SLC44A2: variants seen among roughly 807,000 people sequenced by gnomAD.
SLC44A2 encodes the protein solute carrier family 44 member 2 (CTL2 blood group).
Under a neutral mutation model 90.8 loss-of-function variants are expected in SLC44A2, and 57 were observed. That is an observed-to-expected ratio of 0.63 (90% confidence interval 0.51 to 0.78). The LOEUF is 0.78. Among genes scored for constraint, SLC44A2 ranks in the 30% least tolerant of loss-of-function variants. SLC44A2 has a pLI of 0.00. For synonymous variants in SLC44A2, 355 were observed against 360.7 expected, an observed-to-expected ratio of 0.98 and a Z score of 0.18; for missense variants, 794 against 919.7, an observed-to-expected ratio of 0.86 and a Z score of 1.77.
intron 10 of SLC44A2, among the ~76,000 whole-genome samples, chr19:10,633,396 G>A (rs188830317): frequency 8.6e-5 from 13 of 151,690 alleles, no homozygotes; most frequent in South Asian, 2.1e-4. Flanking sequence ...CGACTTCCTC[G>A]TGATCTGCCT....
intron 1 of SLC44A2, among the ~76,000 whole-genome samples, chr19:10,613,552 A>G (rs2066830687): frequency 6.6e-6 from 1 of 152,054 alleles, no homozygotes; most frequent in South Asian, 2.1e-4. Context: ...CGCCTGGCCA[A>G]GTTGAAGACT....
At chr19:10,613,762 C>T (rs972959238) in intron 1 of SLC44A2, among the ~76,000 whole-genome samples, 8 of 152,026 alleles carry the variant, frequency 5.3e-5, no homozygotes, top group African/African-American at 1.9e-4. Context: ...GATGTGATTG[C>T]TGTCTTTAAA....
chr19:10,616,072 C>T (rs1280543756), intron 1 of SLC44A2, among the ~76,000 whole-genome samples: 2 of 149,742 alleles, frequency 1.3e-5, no homozygotes, highest in South Asian at 2.1e-4. Flanking sequence ...CCCTGGAGGT[C>T]GTGGCTGCAG....
At chr19:10,619,480 T>C (rs2066881920) in intron 1 of SLC44A2, among the ~76,000 whole-genome samples, 1 of 151,026 alleles carries the variant, frequency 6.6e-6, no homozygotes, top group Non-Finnish European at 1.5e-5. Context: ...GAGCCTACTT[T>C]GGCTCAGGAG....
chr19:10,631,296 G>C lies in SLC44A2; in HGVS notation c.352G>C (p.Asp118His). ...CCAGATCTGCGTGGAAAAATGCCCCGACCGCTACCTCACGTACCTGAATGC... is the reference window on the plus strand; with the variant it reads ...CCAGATCTGCGTGGAAAAATGCCCCCACCGCTACCTCACGTACCTGAATGC... ...TPQICVEKCP[D>H]RYLTYLNARS... Residue 118 changes from aspartate (D) to histidine (H), a missense_variant, in exon 6 of 22, where the codon GAC becomes CAC. Asp to His is a moderately conservative substitution (Grantham distance 81). Coordinates refer to ENST00000335757, the MANE Select transcript of SLC44A2 (RefSeq NM_020428.4). 6.2e-7 allele frequency: 1 copy of C among 1,613,998 alleles called. No homozygotes were observed. Among genetic ancestry groups the C allele is most frequent in the Non-Finnish European group, 8.5e-7 (1 of 1,180,012 alleles).
Position 10,632,570 on chromosome 19 carries a change from C to T in SLC44A2, c.823+414C>T, listed in dbSNP as rs145903815. Among the ~76,000 whole-genome samples, 872 of 151,534 alleles carry T rather than the reference C, an allele frequency of 5.8e-3. 5 individuals carry two copies. The highest frequency in any genetic ancestry group is 0.02 in the African/African-American group (833 of 41,342). On this transcript the variant is annotated intron_variant, in intron 10 of 21. Coordinates refer to ENST00000335757, the MANE Select transcript of SLC44A2 (RefSeq NM_020428.4). Reference sequence around the variant, plus strand: ...AAAAAAAAGAAAAAATGTCTCAGCACCGTAGTTAAGGATGCATACTCTGGT... The same window carrying T: ...AAAAAAAAGAAAAAATGTCTCAGCATCGTAGTTAAGGATGCATACTCTGGT...
rs571933261 is a variant in SLC44A2 at position 10,637,225 on chromosome 19, G to T, written c.1592-419G>T. The stretch of plus-strand genomic sequence containing the variant: ...ATTAGCCAGGCATGGTGGTGTGTGC[G>T]TCTGCAGTCCTAGCTACACGGGAGG... On this transcript the variant is annotated intron_variant, in intron 16 of 21. Transcript: ENST00000335757. 44 of 225,374 alleles carry T rather than the reference G, an allele frequency of 2.0e-4. No individual in the cohort carries two copies. In the Admixed American group the frequency reaches 2.3e-3, roughly 12 times the overall value. 14.0% of individuals were successfully genotyped at this position (225,374 alleles called of 1,614,324 possible). A position where few individuals can be genotyped will look rare whatever the true frequency, so the allele number is the denominator to read the frequency against.
At chr19:10,636,944 A>C in intron 16 of SLC44A2, 188 bp downstream of exon 16, 3 of 578,258 alleles carry the variant, frequency 5.2e-6, no homozygotes, top group East Asian at 3.1e-5. Flanking sequence ...AAACCAGAGA[A>C]CCTACTGGGT....
chr19:10,642,272 G>A (rs1270743068), intron 20 of SLC44A2, 95 bp from the exon 21 acceptor site: 1 of 1,011,648 alleles, frequency 9.9e-7, no homozygotes, highest in East Asian at 2.4e-5. Context: ...TTCTCAGCAG[G>A]GGAAGGATGT....
chr19:10,625,531 A>AGCC, upstream of SLC44A2: 1 of 1,227,686 alleles, frequency 8.1e-7, no homozygotes, highest in South Asian at 4.1e-5. Context: ...TGCTGGGAGG[A>AGCC]GCCGCCGCCA....
At chr19:10,641,070 G>C (rs1307836499) in intron 20 of SLC44A2, 2 of 420,150 alleles carry the variant, frequency 4.8e-6, no homozygotes, top group Non-Finnish European at 9.2e-6. Context: ...CTGGGTGACA[G>C]AGCAAGATTC....
At chr19:10,637,369 C>A (rs1482959933) in intron 16 of SLC44A2, among the ~76,000 whole-genome samples, 2 of 151,926 alleles carry the variant, frequency 1.3e-5, no homozygotes, top group Non-Finnish European at 1.5e-5. Flanking sequence ...GGAAAAAAAA[C>A]TGGTTTATTT....
At chr19:10,632,197 G>C in intron 10 of SLC44A2, 41 bp downstream of exon 10, 1 of 1,531,822 alleles carries the variant, frequency 6.5e-7, no homozygotes, top group Non-Finnish European at 9.0e-7. Context: ...TCCTGAATCC[G>C]CACACTGCCC....
intron 1 of SLC44A2, among the ~76,000 whole-genome samples, chr19:10,614,909 C>G (rs1014487192): frequency 2.8e-4 from 40 of 141,154 alleles, no homozygotes; most frequent in African/African-American, 1.1e-3. Context: ...AGGTAGAGGT[C>G]ACAGTGAGCC....
intron 20 of SLC44A2, among the ~76,000 whole-genome samples, chr19:10,639,177 G>A (rs890789975): frequency 2.0e-5 from 3 of 152,034 alleles, no homozygotes; most frequent in East Asian, 1.9e-4. Flanking sequence ...CAAGTGATCC[G>A]CCCGCCTCGG....
At chr19:10,639,278 G>A (rs1165694239) in intron 20 of SLC44A2, among the ~76,000 whole-genome samples, 2 of 152,202 alleles carry the variant, frequency 1.3e-5, no homozygotes, top group African/African-American at 2.4e-5. Context: ...GTCAGGCATC[G>A]AGGTGGAGGG....
chr19:10,628,335 G>A (rs575217133), intron 4 of SLC44A2, among the ~76,000 whole-genome samples: 15 of 152,152 alleles, frequency 9.9e-5, no homozygotes, highest in Admixed American at 8.5e-4. Context: ...GCAATGAGCC[G>A]AGATCGTGCC....
chr19:10,626,002 A>G (rs536106326), intron 1 of SLC44A2, among the ~76,000 whole-genome samples: 35 of 152,018 alleles, frequency 2.3e-4, no homozygotes, highest in Admixed American at 9.8e-4. Context: ...CCCTCTTCCC[A>G]GTGGGTGGCC....
chr19:10,636,415 G>C lies in SLC44A2; in HGVS notation c.1326G>C (p.Leu442=), dbSNP rs772921105. The part of the protein sequence containing the change: ...YGGESGYHRA[L]LGLQIFNAFM... ...GTGAGTCGGGCTACCACCGGGCCCT[G>C]CTGGGCCTGCAGATCTTCAATGCCT... The change falls in exon 15 of 22, where the codon CTG becomes CTC. Residue 442 remains leucine (L), a synonymous_variant. Coordinates refer to ENST00000335757, the MANE Select transcript of SLC44A2 (RefSeq NM_020428.4). 2.5e-6 allele frequency: 4 copies of C among 1,614,056 alleles called. No individual in the cohort carries two copies. The highest frequency in any genetic ancestry group is 1.1e-5 in the South Asian group (1 of 91,082).
Sources: allele counts gnomAD v4.1 joint callset (sites outside exome capture counted in the v4.1 genomes callset), GRCh38; gene constraint gnomAD v4.1.1; transcripts MANE v1.5; gene names NCBI Gene and HGNC (gene_info 2026-07-23, HGNC 2026-07-21).